VPS29: variants seen among roughly 807,000 people sequenced by gnomAD.
VPS29 encodes the protein vacuolar protein sorting-associated protein 29.
VPS29 carries 2 observed loss-of-function variants against 20.0 expected under a neutral mutation model. The observed-to-expected ratio is 0.10, with a 90% CI of 0.04 to 0.31. The LOEUF is 0.31. VPS29 is among the 10% of genes least tolerant of loss of function. The pLI, the probability that VPS29 is intolerant of heterozygous loss-of-function variation, is 1.00. For synonymous variants in VPS29, 81 were observed against 79.3 expected (o/e 1.02, Z -0.12); for missense variants, 120 against 215.3 (o/e 0.56, Z 2.77).
intron 2 of VPS29, 91 bp downstream of exon 2, chr12:110,495,921 C>A (rs2062899623): frequency 2.6e-6 from 3 of 1,173,856 alleles, no homozygotes; most frequent in South Asian, 2.5e-5. Flanking sequence ...AAAAACCTTA[C>A]CAGTTGAGAA....
intron 1 of VPS29, chr12:110,501,497 T>A: frequency 6.5e-7 from 1 of 1,535,468 alleles, no homozygotes; most frequent in East Asian, 2.4e-5. Flanking sequence ...AGAGCACACC[T>A]GCTCATCTCA....
intron 2 of VPS29, 57 bp from the exon 3 acceptor site, chr12:110,493,288 A>G: frequency 1.6e-6 from 2 of 1,279,416 alleles, no homozygotes; most frequent in Non-Finnish European, 2.1e-6. Context: ...GATGTTTAAA[A>G]AAATCAGTTT....
Position 110,491,812 on chromosome 12 carries a change from A to T in VPS29, c.*193T>A. 1.8e-6 allele frequency: 1 copy of T among 547,254 alleles called. No individual in the cohort carries two copies. Among genetic ancestry groups the T allele is most frequent in the Non-Finnish European group, 3.2e-6 (1 of 311,986 alleles). 33.9% of individuals were successfully genotyped at this position (547,254 alleles called of 1,614,324 possible). ...GTGGACATTTTTTCATAGAATCCAT[A>T]TACTGTAAACTAAATATATTCTTAT... On this transcript the variant is annotated 3_prime_UTR_variant, in exon 4 of 4. Coordinates refer to ENST00000549578, the MANE Select transcript of VPS29 (RefSeq NM_016226.5).
In VPS29 at chr12:110,496,211, G is replaced by A; in HGVS notation, c.4-8C>T. ...TCCTAATACCAACACCAACTTTAAA[G>A]TGTCAAGGTGAGATAAAGCATAATG... On this transcript the variant is annotated splice_region_variant and splice_polypyrimidine_tract_variant and intron_variant, in intron 1 of 3. Coordinates refer to ENST00000549578, the MANE Select transcript of VPS29 (RefSeq NM_016226.5). The A allele has an allele frequency of 6.3e-7, 1 of 1,592,042 alleles. No individual in the cohort carries two copies. The highest frequency in any genetic ancestry group is 8.6e-7 in the Non-Finnish European group (1 of 1,163,068).
At chr12:110,498,878 C>T (rs912660486) in intron 1 of VPS29, 4 of 975,054 alleles carry the variant, frequency 4.1e-6, no homozygotes, top group Non-Finnish European at 4.9e-6. Flanking sequence ...GATTGAAGTA[C>T]ATAGTTAGTA....
chr12:110,499,335 A>T (rs1302959380), intron 1 of VPS29: 1 of 610,186 alleles, frequency 1.6e-6, no homozygotes, highest in Non-Finnish European at 2.6e-6. Context: ...AAATCGGGAT[A>T]GACATAGATG....
Position 110,502,087 on chromosome 12 carries a change from C to G in VPS29, c.-36G>C. ...GGCTCCGCTCAGTCACCACCACCGT[C>G]GCCGCCCTCTTCCTCAGGCTCCTCG... On this transcript the variant is annotated 5_prime_UTR_variant, in exon 1 of 4. Coordinates refer to ENST00000549578, the MANE Select transcript of VPS29 (RefSeq NM_016226.5). 2 of 1,604,714 alleles carry G rather than the reference C, an allele frequency of 1.2e-6. No individual in the cohort carries two copies. The highest frequency in any genetic ancestry group is 1.7e-6 in the Non-Finnish European group (2 of 1,174,938).
rs544904922 is a variant in VPS29, at chr12:110,493,406, C to T, written c.196-175G>A. Among the ~76,000 whole-genome samples, 524 of 150,612 alleles carry T rather than the reference C, an allele frequency of 3.5e-3. 2 individuals carry two copies. The highest frequency in any genetic ancestry group is 0.012 in the African/African-American group (491 of 40,754). On this transcript the variant is annotated intron_variant, in intron 2 of 3. Transcript: ENST00000549578. ...ACAGAGTGTTGCTATGTTGCCCAGG[C>T]TGGAGTGCAGTGGTACCATCTTGGC...
At chr12:110,500,486 T>C (rs2062990987) in intron 1 of VPS29, among the ~76,000 whole-genome samples, 1 of 152,220 alleles carries the variant, frequency 6.6e-6, no homozygotes, top group Admixed American at 6.5e-5. Flanking sequence ...AATTGGAGTC[T>C]GTTTAGAAGC....
At chr12:110,498,925 G>C (rs2062949684) in intron 1 of VPS29, 3 of 726,886 alleles carry the variant, frequency 4.1e-6, no homozygotes, top group African/African-American at 3.8e-5. Flanking sequence ...AAAAATAATA[G>C]ATTTCTATAT....
chr12:110,497,882 C>G (rs1000278529), intron 1 of VPS29, among the ~76,000 whole-genome samples: 16 of 151,764 alleles, frequency 1.1e-4, no homozygotes, highest in African/African-American at 3.9e-4. Context: ...ATGCCACTGG[C>G]ACTCCAGCCT....
rs780750320 is a variant in VPS29, at chr12:110,496,193, A to G, written c.14T>C (p.Val5Ala). 2 of 1,604,690 alleles carry G rather than the reference A, an allele frequency of 1.2e-6. No individual in the cohort carries two copies. Among genetic ancestry groups the G allele is most frequent in the South Asian group, 2.2e-5 (2 of 90,668 alleles). The change falls in exon 2 of 4, where the codon GTA (valine) becomes GCA (alanine). Residue 5 changes from valine (V) to alanine (A), a missense_variant. Coordinates refer to ENST00000549578, the MANE Select transcript of VPS29 (RefSeq NM_016226.5). ...GTGTGGGATGTGCAGATCTCCTAATACCAACACCAACTTTAAAGTGTCAAG... is the reference window on the plus strand; with the variant it reads ...GTGTGGGATGTGCAGATCTCCTAATGCCAACACCAACTTTAAAGTGTCAAG... MLVL[V>A]LGDLHIPHRC...
chr12:110,493,520 C>T (rs1023643469), intron 2 of VPS29, among the ~76,000 whole-genome samples: 4 of 151,954 alleles, frequency 2.6e-5, no homozygotes, highest in Admixed American at 6.6e-5. Flanking sequence ...CCACCACGCC[C>T]GCCTAATTTT....
At position 110,496,207 on chromosome 12, in the gene VPS29, T is replaced by C. The variant is rs769744615; in HGVS notation, c.4-4A>G. ...GATCTCCTAATACCAACACCAACTT[T>C]AAAGTGTCAAGGTGAGATAAAGCAT... On this transcript the variant is annotated splice_region_variant and splice_polypyrimidine_tract_variant and intron_variant, in intron 1 of 3. Coordinates refer to ENST00000549578, the MANE Select transcript of VPS29 (RefSeq NM_016226.5). 4 of 1,597,482 alleles carry C rather than the reference T, an allele frequency of 2.5e-6. No individual in the cohort carries two copies. The highest frequency in any genetic ancestry group is 3.4e-6 in the Non-Finnish European group (4 of 1,167,042).
chr12:110,498,738 C>A (rs770437520), intron 1 of VPS29: 2 of 597,400 alleles, frequency 3.3e-6, no homozygotes, highest in Non-Finnish European at 4.2e-6. Flanking sequence ...TGTTTCAATG[C>A]AGATCTCAGT....
At chr12:110,499,945 T>A (rs928328050) in intron 1 of VPS29, among the ~76,000 whole-genome samples, 1 of 152,204 alleles carries the variant, frequency 6.6e-6, no homozygotes, top group Non-Finnish European at 1.5e-5. Context: ...GGAAAATTTA[T>A]CATCAGTAAT....
intron 2 of VPS29, among the ~76,000 whole-genome samples, chr12:110,495,349 A>C (rs2062887438): frequency 6.6e-6 from 1 of 152,226 alleles, no homozygotes; most frequent in South Asian, 2.1e-4. Context: ...TTGGAATACA[A>C]GAAAATGATA....
chr12:110,499,541 C>T (rs374044269), intron 1 of VPS29: 95 of 1,612,074 alleles, frequency 5.9e-5, no homozygotes, highest in Non-Finnish European at 8.0e-5. Flanking sequence ...TTACTCTGTG[C>T]CCAGCCTTAG....
intron 1 of VPS29, among the ~76,000 whole-genome samples, chr12:110,500,380 C>T (rs2062987737): frequency 6.6e-6 from 1 of 152,146 alleles, no homozygotes; most frequent in African/African-American, 2.4e-5. Context: ...ACTTCTCAAA[C>T]AACTTGAGAA....
Sources: allele counts gnomAD v4.1 joint callset (sites outside exome capture counted in the v4.1 genomes callset), GRCh38; gene constraint gnomAD v4.1.1; transcripts MANE v1.5; gene names NCBI Gene and HGNC (gene_info 2026-07-23, HGNC 2026-07-21).